EXOC4: variants seen among roughly 807,000 people sequenced by gnomAD.
The protein encoded by EXOC4 is exocyst complex component 4.
EXOC4 carries 71 observed loss-of-function variants against 107.2 expected under a neutral mutation model. The ratio of observed to expected loss-of-function variants is 0.66; its 90% confidence interval spans 0.55 to 0.81. The LOEUF (loss-of-function observed/expected upper bound fraction) is 0.81. Ranked by LOEUF, EXOC4 falls within the 30% of genes least tolerant of loss-of-function variation. The probability of loss-of-function intolerance (pLI) is 0.00; values close to 1 mark genes in which losing one functional copy is unlikely to be tolerated. For missense variants in EXOC4, 1,108 were observed against 1,189.6 expected, an observed-to-expected ratio of 0.93 and a Z score of 1.01; for synonymous variants, 456 against 441.2, an observed-to-expected ratio of 1.03 and a Z score of -0.42.
chr7:133,562,135 C>T (rs1334280379), intron 9 of EXOC4, among the ~76,000 whole-genome samples: 2 of 152,106 alleles, frequency 1.3e-5, no homozygotes, highest in East Asian at 3.9e-4. Flanking sequence ...TTTCTAAGAA[C>T]CTATAGAGGA....
Position 133,597,578 on chromosome 7 carries a change from C to CA in EXOC4, c.1418-32457dup, listed in dbSNP as rs1216928669. Reference sequence around the variant, plus strand: ...TCAAAAAAAAAAAAAAAAAAAAACCCAAAAAAAAAACCCCGAATCCTTGGA... The same window carrying CA: ...TCAAAAAAAAAAAAAAAAAAAAACCCAAAAAAAAAAACCCCGAATCCTTGGA... On this transcript the variant is annotated intron_variant, in intron 9 of 17. Transcript: ENST00000253861. Among the ~76,000 whole-genome samples, 468 of 128,446 alleles carry CA rather than the reference C, an allele frequency of 3.6e-3. 2 individuals are homozygous for CA. The highest frequency in any genetic ancestry group is 0.014 in the African/African-American group (444 of 31,718). The allele number at this position is 128,446 out of a possible 152,430, so 84.3% of individuals were successfully genotyped here. A position where few individuals can be genotyped will look rare whatever the true frequency, so the allele number is the denominator to read the frequency against.
intron 7 of EXOC4, among the ~76,000 whole-genome samples, chr7:133,383,989 AAAT>A (rs530012398): frequency 2.0e-5 from 3 of 152,142 alleles, no homozygotes; most frequent in Non-Finnish European, 4.4e-5. Flanking sequence ...GTTAAATTAA[AAAT>A]CTTCTAAATT....
intron 5 of EXOC4, among the ~76,000 whole-genome samples, chr7:133,329,822 A>G (rs1795337412): frequency 6.6e-6 from 1 of 152,178 alleles, no homozygotes; most frequent in Non-Finnish European, 1.5e-5. Flanking sequence ...GGCACCAGCC[A>G]GATGCCAGCC....
chr7:133,472,232 T>C (rs960263435), intron 7 of EXOC4, among the ~76,000 whole-genome samples: 1 of 152,090 alleles, frequency 6.6e-6, no homozygotes, highest in Non-Finnish European at 1.5e-5. Context: ...TCTGTTGATA[T>C]TACGTGAGAA....
rs927270336 is a variant in EXOC4 at position 134,004,959 on chromosome 7, A to G, written c.2396A>G (p.Tyr799Cys). Residue 799 changes from tyrosine (Y) to cysteine (C), a missense_variant, in exon 16 of 18, where the codon TAT (tyrosine) becomes TGT (cysteine). Coordinates refer to ENST00000253861, the MANE Select transcript of EXOC4 (RefSeq NM_021807.4). ...ATCCCTCTTGCAAAGGAGGGGAACTATGCCATTGTGGCTAATGTGGAAAGT... is the reference window on the plus strand; with the variant it reads ...ATCCCTCTTGCAAAGGAGGGGAACTGTGCCATTGTGGCTAATGTGGAAAGT... The part of the protein sequence containing the change: ...YLIPLAKEGN[Y>C]AIVANVESMD... The G allele has an allele frequency of 6.2e-7, 1 of 1,613,530 alleles. No individual in the cohort carries two copies. The highest frequency in any genetic ancestry group is 8.5e-7 in the Non-Finnish European group (1 of 1,179,612).
intron 11 of EXOC4, among the ~76,000 whole-genome samples, chr7:133,832,905 C>T (rs1168474971): frequency 1.3e-5 from 2 of 152,016 alleles, no homozygotes; most frequent in African/African-American, 4.8e-5. Context: ...TAAGTGCTTT[C>T]ATAAAACTAT....
At chr7:133,549,501 G>A (rs6947831) in intron 9 of EXOC4, among the ~76,000 whole-genome samples, 93,819 of 151,914 alleles carry the variant, frequency 0.62, 30,178 homozygotes, top group South Asian at 0.72. Context: ...AGTCTTGTAT[G>A]AGTGTGGTTC....
intron 7 of EXOC4, among the ~76,000 whole-genome samples, chr7:133,436,536 A>T (rs1285744445): frequency 6.6e-6 from 1 of 151,582 alleles, no homozygotes; most frequent in African/African-American, 2.4e-5. Context: ...TCCATATCTT[A>T]TGGGATACTC....
At chr7:133,399,930 G>A (rs1797052011) in intron 7 of EXOC4, among the ~76,000 whole-genome samples, 1 of 152,212 alleles carries the variant, frequency 6.6e-6, no homozygotes, top group African/African-American at 2.4e-5. Context: ...ATTCAAATTT[G>A]AGAGTTAAGT....
chr7:133,400,406 TGTTA>T (rs1007684641), intron 7 of EXOC4, among the ~76,000 whole-genome samples: 26 of 152,230 alleles, frequency 1.7e-4, no homozygotes, highest in Middle Eastern at 3.2e-3. Flanking sequence ...GCCCACCTGA[TGTTA>T]GTTAATCTGG....
the EXOC4 span, among the ~76,000 whole-genome samples, chr7:134,098,533 C>T: frequency 6.6e-6 from 1 of 152,098 alleles, no homozygotes; most frequent in Non-Finnish European, 1.5e-5. Flanking sequence ...AGATTAACTG[C>T]TCTGCATGGG....
At chr7:134,095,234 T>TA in the EXOC4 span, among the ~76,000 whole-genome samples, 4 of 151,100 alleles carry the variant, frequency 2.6e-5, no homozygotes, top group Non-Finnish European at 5.9e-5. Context: ...AACACCAACA[T>TA]AAAAAATCCT....
intron 9 of EXOC4, among the ~76,000 whole-genome samples, chr7:133,537,715 C>A (rs761307841): frequency 6.6e-6 from 1 of 152,092 alleles, no homozygotes; most frequent in Non-Finnish European, 1.5e-5. Context: ...GAAAGTAGTC[C>A]AACATGGATT....
rs186119744 is a variant in EXOC4, at chr7:133,808,434, C to G, written c.1515-8891C>G. Among the ~76,000 whole-genome samples, 17 of 152,284 alleles carry G rather than the reference C, an allele frequency of 1.1e-4. No individual in the cohort carries two copies. The East Asian group carries it at 3.3e-3, about 29-fold the overall frequency. On this transcript the variant is annotated intron_variant, in intron 10 of 17. Transcript: ENST00000253861. ...ATCATTTCTAAATGATCTTTTTCGACTCAGATAATACTAGTGAGTTGAATA... is the reference window on the plus strand; with the variant it reads ...ATCATTTCTAAATGATCTTTTTCGAGTCAGATAATACTAGTGAGTTGAATA...
chr7:133,688,201 C>T (rs531651214), intron 10 of EXOC4, among the ~76,000 whole-genome samples: 2 of 152,184 alleles, frequency 1.3e-5, no homozygotes, highest in East Asian at 1.9e-4. Flanking sequence ...AGTTTTATAG[C>T]GTGATAGGTG....
At chr7:133,568,074 C>T (rs1800943632) in intron 9 of EXOC4, among the ~76,000 whole-genome samples, 1 of 152,178 alleles carries the variant, frequency 6.6e-6, no homozygotes, top group Non-Finnish European at 1.5e-5. Flanking sequence ...GACTCATTCC[C>T]ATTCTGATAT....
At chr7:133,845,921 G>T (rs1379115645) in intron 11 of EXOC4, among the ~76,000 whole-genome samples, 1 of 152,034 alleles carries the variant, frequency 6.6e-6, no homozygotes. Flanking sequence ...CAGTCTTATA[G>T]GATTTGAAAG....
At chr7:134,083,431 G>C in the EXOC4 span, among the ~76,000 whole-genome samples, 1 of 152,194 alleles carries the variant, frequency 6.6e-6, no homozygotes, top group Non-Finnish European at 1.5e-5. Flanking sequence ...GCTTAAAACA[G>C]TTATTCTATC....
chr7:133,318,349 G>A (rs1040962566), intron 5 of EXOC4, among the ~76,000 whole-genome samples: 3 of 152,194 alleles, frequency 2.0e-5, no homozygotes, highest in African/African-American at 7.2e-5. Context: ...CCTTAGGCTT[G>A]CCTTTGCAGA....
Sources: gnomAD v4.1 joint callset for allele counts (sites outside exome capture counted in the v4.1 genomes callset) on GRCh38, gnomAD v4.1.1 for gene constraint, MANE v1.5 for transcripts, NCBI Gene and HGNC (gene_info 2026-07-23, HGNC 2026-07-21) for gene names.